Variants in POLR2F observed in about 807,000 individuals in gnomAD.
POLR2F encodes the protein DNA-directed RNA polymerases I, II, and III subunit RPABC2.
A neutral mutation model predicts 22.7 loss-of-function variants in POLR2F; 12 were observed. That is an observed-to-expected ratio of 0.53 (90% CI 0.34 to 0.86). The LOEUF (loss-of-function observed/expected upper bound fraction) is 0.86, where lower values mean the gene tolerates loss of function less well. Ranked by LOEUF, POLR2F falls within the 40% of genes least tolerant of loss-of-function variation. The pLI is 0.02. For missense variants in POLR2F, 126 were observed against 171.5 expected (o/e 0.73, Z 1.48); for synonymous variants, 57 against 66.0 (o/e 0.86, Z 0.66).
chr22:38,026,968 T>A (rs1212493818), downstream of POLR2F, among the ~76,000 whole-genome samples: 2 of 151,610 alleles, frequency 1.3e-5, no homozygotes, highest in Non-Finnish European at 2.9e-5. Flanking sequence ...TGTGTGTGGG[T>A]GGGTGGATGG....
At chr22:38,028,020 A>G (rs987117879), downstream of POLR2F, among the ~76,000 whole-genome samples, 3 of 152,130 alleles carry the variant, frequency 2.0e-5, no homozygotes, top group Admixed American at 2.0e-4. Flanking sequence ...GCCCTTAGGG[A>G]AGGAGGCGCC....
chr22:38,037,595 CCTTT>C (rs1183595374), intron 5 of POLR2F, among the ~76,000 whole-genome samples: 1 of 104,680 alleles, frequency 9.6e-6, no homozygotes, highest in Non-Finnish European at 1.9e-5. Context: ...CTTCCTATCT[CCTTT>C]TTTTTTTTTT....
At chr22:37,974,083 G>A (rs752201360), downstream of POLR2F, 8 of 1,613,922 alleles carry the variant, frequency 5.0e-6, no homozygotes, top group Admixed American at 5.0e-5. This position sits in a 1 kb window ranked among gnomAD's most constrained non-coding sequence, Gnocchi z 5.4. Context: ...TGCCGAAGTC[G>A]ATGTGAGGCT....
chr22:38,009,263 A>G (rs1266179613), intron 1 of POLR2F, among the ~76,000 whole-genome samples: 3 of 152,204 alleles, frequency 2.0e-5, no homozygotes, highest in Non-Finnish European at 4.4e-5. Context: ...GTTTCAGCAG[A>G]GCAGAGATGT....
chr22:37,969,171 T>C lies in POLR2F; in HGVS notation c.*1456T>C, dbSNP rs886569019. On this transcript the variant is annotated 3_prime_UTR_variant, in exon 5 of 5. Transcript: ENST00000442738. The stretch of plus-strand genomic sequence containing the variant: ...GAATTGGGGGTTAACCCTTAGGGGA[T>C]AGAGTGCAAGGGAAATGGGACAGAA... 2.0e-6 allele frequency: 2 copies of C among 985,308 alleles called. No homozygotes were observed. Among genetic ancestry groups the C allele is most frequent in the African/African-American group, 3.5e-5 (2 of 57,226 alleles). The allele number at this position is 985,308 out of a possible 1,614,324, so 61.0% of individuals were successfully genotyped here. A position where few individuals can be genotyped will look rare whatever the true frequency, so the allele number is the denominator to read the frequency against.
downstream of POLR2F, chr22:37,974,143 C>T (rs376907937): frequency 4.0e-4 from 641 of 1,611,248 alleles, no homozygotes; most frequent in East Asian, 1.2e-3. The surrounding 1 kb of genome is among the most constrained non-coding windows in gnomAD (Gnocchi z 5.4). Context: ...CTGCCTTGCC[C>T]GACTGCAGCT....
chr22:37,976,849 C>T (rs1324646640), intron 4 of POLR2F, among the ~76,000 whole-genome samples: 1 of 152,090 alleles, frequency 6.6e-6, no homozygotes, highest in Non-Finnish European at 1.5e-5. Flanking sequence ...AACAAGATAG[C>T]TTATGTCTGG....
At chr22:37,998,328 G>T (rs1478115739) in intron 1 of POLR2F, among the ~76,000 whole-genome samples, 1 of 152,242 alleles carries the variant, frequency 6.6e-6, no homozygotes, top group African/African-American at 2.4e-5. Flanking sequence ...CTCAAGGCCA[G>T]GGCCGGGCCG....
At chr22:38,033,707 GA>G (rs2085087839) in intron 5 of POLR2F, among the ~76,000 whole-genome samples, 1 of 152,228 alleles carries the variant, frequency 6.6e-6, no homozygotes, top group South Asian at 2.1e-4. Context: ...TGTTTTCCAA[GA>G]GCGGTGGCAG....
chr22:37,993,659 G>T (rs1278377077), intron 1 of POLR2F, among the ~76,000 whole-genome samples: 3 of 152,138 alleles, frequency 2.0e-5, no homozygotes, highest in Non-Finnish European at 4.4e-5. Flanking sequence ...TCAATCTCCT[G>T]TCTGTAAAAT....
In POLR2F at chr22:37,953,927, G is replaced by C. The variant is rs370479641; in HGVS notation, c.20+120G>C. 6.6e-6 allele frequency: 8 copies of C among 1,214,788 alleles called. No individual in the cohort carries two copies. The East Asian group carries it at 7.6e-5, about 12-fold the overall frequency. 75.3% of individuals were successfully genotyped at this position (1,214,788 alleles called of 1,614,324 possible). A position where few individuals can be genotyped will look rare whatever the true frequency, so the allele number is the denominator to read the frequency against. On this transcript the variant is annotated intron_variant, in intron 1 of 4. Transcript: ENST00000442738. ...ATGTCTGAGGGGACTGGGGTCCTGA[G>C]GGGGCCGGCGGAGCCGAGGAAGGGA...
chr22:37,963,973 G>A (rs1019016787), intron 3 of POLR2F, among the ~76,000 whole-genome samples: 6 of 152,030 alleles, frequency 3.9e-5, no homozygotes, highest in Admixed American at 6.6e-5. Flanking sequence ...GTGGTGGCGC[G>A]CGCCTATAAT....
chr22:38,003,840 G>A (rs1375759094), intron 1 of POLR2F, among the ~76,000 whole-genome samples: 7 of 152,114 alleles, frequency 4.6e-5, no homozygotes, highest in Admixed American at 4.6e-4. Flanking sequence ...GCCTCCCAAA[G>A]TGCTGGGATT....
At position 38,017,128 on chromosome 22, in the gene POLR2F, T is replaced by C. The variant is rs1008407077; in HGVS notation, c.121-8741T>C. ...CCAGGGTCTGGGGTCTGCATCCTCA[T>C]GTGCCCTGGGCTTGCTGTGCCACCC... On this transcript the variant is annotated intron_variant, in intron 1 of 2. Transcript: ENST00000333418. This position sits in a 1 kb window ranked among gnomAD's most constrained non-coding sequence, Gnocchi z 4.1. Among the ~76,000 whole-genome samples the C allele has an allele frequency of 2.0e-5, 3 of 152,174 alleles. No individual in the cohort carries two copies. The highest frequency in any genetic ancestry group is 7.2e-5 in the African/African-American group (3 of 41,442).
chr22:38,015,349 CAGAGGTG>C (rs2084907184), intron 1 of POLR2F, among the ~76,000 whole-genome samples: 1 of 152,176 alleles, frequency 6.6e-6, no homozygotes, highest in Admixed American at 6.5e-5. Context: ...CCCTGCTTGG[CAGAGGTG>C]AGAGGTGGGT....
chr22:38,039,449 C>T (rs989268778), intron 5 of POLR2F, among the ~76,000 whole-genome samples: 8 of 152,146 alleles, frequency 5.3e-5, no homozygotes, highest in African/African-American at 1.9e-4. Flanking sequence ...CAGAGAGGCT[C>T]CACAGCCAGG....
chr22:37,986,032 T>C (rs1932564032), upstream of POLR2F: 19 of 880,066 alleles, frequency 2.2e-5, no homozygotes, highest in South Asian at 1.7e-4. The surrounding 1 kb of genome is among the most constrained non-coding windows in gnomAD (Gnocchi z 4.7). Context: ...CCCGCCTCCC[T>C]TCTCTTCCCT....
chr22:37,980,026 G>A lies in POLR2F; in HGVS notation c.293+12856G>A, dbSNP rs1038956890. On this transcript the variant is annotated intron_variant, in intron 4 of 4. Coordinates refer to the POLR2F transcript ENST00000405557. The surrounding 1 kb of genome is among the most constrained non-coding windows in gnomAD (Gnocchi z 4.1). ...CTAGCCGGCAGCAGCATTCCTCTGC[G>A]GCTTAGCCTCCCTGTCTACTCCCCC... Among the ~76,000 whole-genome samples, 8 of 152,108 alleles carry A rather than the reference G, an allele frequency of 5.3e-5. No homozygotes were observed. The highest frequency in any genetic ancestry group is 1.9e-4 in the African/African-American group (8 of 41,402).
chr22:37,973,969 A>G (rs139884), downstream of POLR2F: 1,037,508 of 1,611,716 alleles, frequency 0.64, 336,474 homozygotes, highest in African/African-American at 0.83. Context: ...AGCTGCTCAC[A>G]TGGCCTGGGT....
Sources: allele counts gnomAD v4.1 joint callset (sites outside exome capture counted in the v4.1 genomes callset), GRCh38; gene constraint gnomAD v4.1.1; non-coding constraint Gnocchi (gnomAD v3.1); transcripts MANE v1.5; gene names NCBI Gene and HGNC (gene_info 2026-07-23, HGNC 2026-07-21).